The following AGBL1 variants were observed in gnomAD, a reference collection of about 807,000 sequenced individuals.
AGBL1 encodes the protein cytosolic carboxypeptidase 4.
A neutral mutation model predicts 118.9 loss-of-function variants in AGBL1; 130 were observed. The observed-to-expected ratio is 1.09, with a 90% confidence interval of 0.95 to 1.26. The LOEUF is 1.26. Among genes scored for constraint, AGBL1 ranks in the 50% most tolerant of loss-of-function variants. The pLI, the probability that AGBL1 is intolerant of heterozygous loss-of-function variation, is 0.00. For missense variants in AGBL1, 1,584 were observed against 1,298.1 expected (o/e 1.22, Z -3.38); for synonymous variants, 555 against 478.9 (o/e 1.16, Z -2.08).
intron 21 of AGBL1, among the ~76,000 whole-genome samples, chr15:86,584,480 A>G (rs192325924): frequency 1.3e-5 from 2 of 152,280 alleles, no homozygotes; most frequent in Admixed American, 1.3e-4. Flanking sequence ...GACTTTGTTG[A>G]AGATCAGATG....
intron 21 of AGBL1, among the ~76,000 whole-genome samples, chr15:86,601,053 T>C (rs1456829935): frequency 6.6e-6 from 1 of 152,154 alleles, no homozygotes; most frequent in Non-Finnish European, 1.5e-5. Flanking sequence ...TACCCTAGGA[T>C]TGGTGGTAAC....
At chr15:86,162,211 G>A (rs184010027) in intron 5 of AGBL1, among the ~76,000 whole-genome samples, 9 of 152,116 alleles carry the variant, frequency 5.9e-5, no homozygotes, top group Middle Eastern at 3.2e-3. Context: ...GGATAAAGTC[G>A]CATGTCAGGG....
intron 23 of AGBL1, among the ~76,000 whole-genome samples, chr15:86,928,759 T>C (rs1439506049): frequency 6.6e-6 from 1 of 152,256 alleles, no homozygotes; most frequent in Non-Finnish European, 1.5e-5. Context: ...GCATTTCATT[T>C]GAATGAATGA....
intron 1 of AGBL1, among the ~76,000 whole-genome samples, chr15:86,103,959 C>T (rs549960397): frequency 6.6e-6 from 1 of 152,164 alleles, no homozygotes; most frequent in South Asian, 2.1e-4. Flanking sequence ...GCAGGACAAC[C>T]CTCTAGCTCC....
intron 21 of AGBL1, among the ~76,000 whole-genome samples, chr15:86,574,905 G>A (rs59376382): frequency 0.68 from 103,035 of 151,726 alleles, 36,324 homozygotes; most frequent in Non-Finnish European, 0.77. Flanking sequence ...AAAAGTGATT[G>A]CATGGCTGGG....
At chr15:86,670,600 G>GGCACAC (rs1555436003) in intron 21 of AGBL1, among the ~76,000 whole-genome samples, 304 of 133,252 alleles carry the variant, frequency 2.3e-3, no homozygotes, top group African/African-American at 6.0e-3. Flanking sequence ...GTGAAACTCT[G>GGCACAC]ACACACACAC....
At chr15:86,690,405 C>T (rs1033959636) in intron 22 of AGBL1, among the ~76,000 whole-genome samples, 1 of 152,156 alleles carries the variant, frequency 6.6e-6, no homozygotes, top group Admixed American at 6.5e-5. Flanking sequence ...CTCTGAAATA[C>T]AAATGAAAAC....
intron 17 of AGBL1, among the ~76,000 whole-genome samples, chr15:86,298,045 C>G (rs1329529517): frequency 6.6e-6 from 1 of 151,426 alleles, no homozygotes; most frequent in Admixed American, 6.6e-5. Context: ...CTTTCCTAAC[C>G]CAATGGAAGC....
chr15:86,098,215 C>T (rs538235140), intron 1 of AGBL1, among the ~76,000 whole-genome samples: 1 of 151,824 alleles, frequency 6.6e-6, no homozygotes, highest in South Asian at 2.1e-4. Flanking sequence ...GATATTAGTC[C>T]CTTCTTGGAT....
downstream of AGBL1, among the ~76,000 whole-genome samples, chr15:86,917,388 C>G (rs920131447): frequency 1.3e-5 from 2 of 152,146 alleles, no homozygotes; most frequent in Non-Finnish European, 2.9e-5. This position sits in a 1 kb window ranked among gnomAD's most constrained non-coding sequence, Gnocchi z 4.8. Context: ...TGCACACACT[C>G]AGGATTTCAA....
intron 19 of AGBL1, among the ~76,000 whole-genome samples, chr15:86,523,948 C>T (rs1280071481): frequency 6.6e-6 from 1 of 152,174 alleles, no homozygotes; most frequent in African/African-American, 2.4e-5. Flanking sequence ...ATTCAGAGTC[C>T]TTACCTAACC....
chr15:86,212,442 T>G (rs552654082), intron 5 of AGBL1, among the ~76,000 whole-genome samples: 68 of 152,266 alleles, frequency 4.5e-4, no homozygotes, highest in Admixed American at 2.0e-3. Flanking sequence ...AGGAAAAGTT[T>G]GCTAGCTGGG....
intron 5 of AGBL1, among the ~76,000 whole-genome samples, chr15:86,214,339 G>C (rs907822305): frequency 3.9e-5 from 6 of 152,178 alleles, no homozygotes; most frequent in African/African-American, 1.2e-4. Flanking sequence ...GTTCAACTAA[G>C]TGTGTGGTAT....
At chr15:86,537,646 C>T (rs1033775624) in intron 19 of AGBL1, among the ~76,000 whole-genome samples, 4 of 152,178 alleles carry the variant, frequency 2.6e-5, no homozygotes, top group Non-Finnish European at 4.4e-5. Context: ...CTTCATCACT[C>T]GTCCATCAAA....
chr15:86,751,816 G>A (rs988904631), intron 22 of AGBL1, among the ~76,000 whole-genome samples: 2 of 152,062 alleles, frequency 1.3e-5, no homozygotes, highest in African/African-American at 2.4e-5. Flanking sequence ...AAATGAAAAG[G>A]TTTATTATTA....
In AGBL1 at chr15:86,564,017, T is replaced by C. The variant is rs192243417; in HGVS notation, c.2994+9480T>C. ...CCTCCATCCCTTTATTTTGAGCCTA[T>C]TTGTGTTTCTGAACGTGAGATGGGT... On this transcript the variant is annotated intron_variant, in intron 21 of 22. Transcript: ENST00000614907. Among the ~76,000 whole-genome samples the C allele has an allele frequency of 2.1e-3, 318 of 152,330 alleles. 1 individual carries two copies. The highest frequency in any genetic ancestry group is 0.01 in the Middle Eastern group (3 of 294).
At chr15:86,406,966 A>T (rs144456323) in intron 18 of AGBL1, among the ~76,000 whole-genome samples, 2 of 152,128 alleles carry the variant, frequency 1.3e-5, no homozygotes, top group Admixed American at 6.6e-5. Flanking sequence ...AAAGTAGTCA[A>T]TTGAGTCAGA....
At chr15:86,360,101 C>G (rs2141919107) in intron 17 of AGBL1, among the ~76,000 whole-genome samples, 1 of 152,056 alleles carries the variant, frequency 6.6e-6, no homozygotes, top group Non-Finnish European at 1.5e-5. Context: ...TAAGAGTGGA[C>G]ATCCTTGCCT....
At chr15:86,719,865 T>A (rs958350301) in intron 22 of AGBL1, among the ~76,000 whole-genome samples, 2 of 152,204 alleles carry the variant, frequency 1.3e-5, no homozygotes, top group Admixed American at 6.5e-5. Context: ...GAGGATAATG[T>A]GTGTTCAATG....
Sources: gnomAD v4.1 joint callset for allele counts (sites outside exome capture counted in the v4.1 genomes callset) on GRCh38, gnomAD v4.1.1 for gene constraint, Gnocchi (gnomAD v3.1) non-coding constraint, MANE v1.5 for transcripts, NCBI Gene and HGNC (gene_info 2026-07-23, HGNC 2026-07-21) for gene names.